The following PLA2G6 variants were observed in gnomAD, a reference collection of about 807,000 sequenced individuals.
PLA2G6 encodes the protein 85/88 kDa calcium-independent phospholipase A2.
A neutral mutation model predicts 83.8 loss-of-function variants in PLA2G6; 62 were observed. The observed-to-expected ratio is 0.74, with a 90% confidence interval of 0.60 to 0.91. The LOEUF is 0.91. PLA2G6 is among the 40% of genes least tolerant of loss of function. The pLI, the probability that PLA2G6 is intolerant of heterozygous loss-of-function variation, is 0.00. For synonymous variants in PLA2G6, 417 were observed against 449.8 expected (o/e 0.93, Z 0.92); for missense variants, 944 against 1,102.0 (o/e 0.86, Z 2.03).
intron 4 of PLA2G6, 172 bp downstream of exon 4, chr22:38,142,933 G>C (rs909312399): frequency 1.3e-6 from 1 of 746,110 alleles, no homozygotes; most frequent in African/African-American, 1.7e-5. Context: ...GAAAAGGGCT[G>C]GGAGGGAAGA....
At position 38,117,118 on chromosome 22, in the gene PLA2G6, C is replaced by T. The variant is rs150146549; in HGVS notation, c.1743-907G>A. Among the ~76,000 whole-genome samples, 482 of 139,210 alleles carry T rather than the reference C, an allele frequency of 3.5e-3. 2 individuals carry two copies. Among genetic ancestry groups the T allele is most frequent in the African/African-American group, 0.012 (461 of 39,526 alleles). 91.3% of individuals were successfully genotyped at this position (139,210 alleles called of 152,430 possible). A position where few individuals can be genotyped will look rare whatever the true frequency, so the allele number is the denominator to read the frequency against. ...CATAAATTCAAAATAAACTATTATA[C>T]TAACTCTTCCAAGAAAAATAAAAAG... On this transcript the variant is annotated intron_variant, in intron 12 of 16. Coordinates refer to ENST00000332509, the MANE Select transcript of PLA2G6 (RefSeq NM_003560.4).
chr22:38,126,057 G>A (rs990189856), intron 10 of PLA2G6: 2 of 416,020 alleles, frequency 4.8e-6, no homozygotes, highest in African/African-American at 2.1e-5. Flanking sequence ...CCCCAGGGGG[G>A]ACCCAGGCAT....
intron 5 of PLA2G6, 156 bp from the exon 6 acceptor site, chr22:38,135,240 G>A (rs1297717460): frequency 3.1e-6 from 2 of 648,218 alleles, no homozygotes; most frequent in Non-Finnish European, 5.6e-6. Context: ...GGTTAAGGCT[G>A]TACTGAGCCC....
chr22:38,166,194 C>A (rs997142936), intron 2 of PLA2G6, among the ~76,000 whole-genome samples: 6 of 152,148 alleles, frequency 3.9e-5, no homozygotes, highest in Admixed American at 3.9e-4. Context: ...CGGGTTCTGG[C>A]CAATGCGTGC....
Position 38,132,889 on chromosome 22 carries a change from C to T in PLA2G6, c.1019G>A (p.Gly340Glu). ...FDCAIVLLTH[G>E]ANADARGEHG... ...CTCTCCGCGGGCATCCGCGTTGGCCCCGTGGGTCAGCAGCACTATGGCACA... is the reference window on the plus strand; with the variant it reads ...CTCTCCGCGGGCATCCGCGTTGGCCTCGTGGGTCAGCAGCACTATGGCACA... Residue 340 changes from glycine (G) to glutamate (E), a missense_variant, in exon 7 of 17, where the codon GGG (glycine) becomes GAG (glutamate). By Grantham distance (98) the Gly-to-Glu change is moderately conservative. Transcript: ENST00000332509. The surrounding 1 kb of genome is among the most constrained non-coding windows in gnomAD (Gnocchi z 5.0). 6.4e-7 allele frequency: 1 copy of T among 1,554,894 alleles called. No homozygotes were observed. Among genetic ancestry groups the T allele is most frequent in the Non-Finnish European group, 8.7e-7 (1 of 1,149,924 alleles).
At position 38,111,886 on chromosome 22, in the gene PLA2G6, G is replaced by C; in HGVS notation, c.*275C>G. The C allele has an allele frequency of 1.9e-6, 1 of 518,678 alleles. No homozygotes were observed. The highest frequency in any genetic ancestry group is 2.0e-5 in the South Asian group (1 of 49,626). 32.1% of individuals were successfully genotyped at this position (518,678 alleles called of 1,614,324 possible). A position where few individuals can be genotyped will look rare whatever the true frequency, so the allele number is the denominator to read the frequency against. On this transcript the variant is annotated 3_prime_UTR_variant, in exon 17 of 17. Transcript: ENST00000332509. ...GGGTACCCTTAATGTTTGAGCTGAT[G>C]GGGGAGTCAGTTGTCCTTGACAGTC...
At position 38,128,635 on chromosome 22, in the gene PLA2G6, G is replaced by T. The variant is rs2088017514; in HGVS notation, c.1187-205C>A. Among the ~76,000 whole-genome samples, 1 of 152,192 alleles carries T rather than the reference G, an allele frequency of 6.6e-6. No homozygotes were observed. Among genetic ancestry groups the T allele is most frequent in the Admixed American group, 6.5e-5 (1 of 15,280 alleles). ...TCCCAAGCAGCTTCCTAAGGCCAGGGAAGGAGGATATGGGAGGAGGAGGTC... is the reference window on the plus strand; with the variant it reads ...TCCCAAGCAGCTTCCTAAGGCCAGGTAAGGAGGATATGGGAGGAGGAGGTC... On this transcript the variant is annotated intron_variant, in intron 8 of 16. Coordinates refer to ENST00000332509, the MANE Select transcript of PLA2G6 (RefSeq NM_003560.4). This position sits in a 1 kb window ranked among gnomAD's most constrained non-coding sequence, Gnocchi z 4.4.
intron 2 of PLA2G6, chr22:38,148,859 CTTTTTT>C (rs200966258): frequency 1.7e-4 from 26 of 152,476 alleles, no homozygotes; most frequent in South Asian, 3.6e-4. Context: ...TAGATTATTT[CTTTTTT>C]TTTTTTTTTT....
In PLA2G6 at chr22:38,112,489, C is replaced by T. The variant is rs368835758; in HGVS notation, c.2276+15G>A. ...CAGGGCACGGGGCCAAGGGCTGGGG[C>T]GGCTGAGCCCTCACCTGAAGTACTG... On this transcript the variant is annotated intron_variant, in intron 16 of 16. Coordinates refer to ENST00000332509, the MANE Select transcript of PLA2G6 (RefSeq NM_003560.4). 130 of 1,548,856 alleles carry T rather than the reference C, an allele frequency of 8.4e-5. No individual in the cohort carries two copies. The highest frequency in any genetic ancestry group is 1.4e-4 in the Admixed American group (7 of 51,436).
intron 10 of PLA2G6, among the ~76,000 whole-genome samples, chr22:38,124,917 C>T (rs1217056075): frequency 1.3e-5 from 2 of 152,208 alleles, no homozygotes; most frequent in African/African-American, 4.8e-5. Context: ...GAGATCAACC[C>T]AGAGGGCGCA....
intron 3 of PLA2G6, chr22:38,143,749 T>A (rs987997509): frequency 4.0e-5 from 12 of 298,216 alleles, no homozygotes; most frequent in African/African-American, 2.4e-4. Context: ...TTTTGTTTTG[T>A]TTTGTTTTTT....
chr22:38,145,190 T>C (rs1048635679), intron 3 of PLA2G6: 2 of 527,166 alleles, frequency 3.8e-6, no homozygotes, highest in African/African-American at 1.9e-5. Context: ...TATAGACACA[T>C]GCTAATTTTT....
At chr22:38,125,925 C>T (rs939296617) in intron 10 of PLA2G6, among the ~76,000 whole-genome samples, 3 of 152,188 alleles carry the variant, frequency 2.0e-5, no homozygotes, top group East Asian at 3.9e-4. Context: ...CACCCAGGCC[C>T]GCCTCTTACA....
chr22:38,154,614 C>T (rs2089704087), intron 2 of PLA2G6, among the ~76,000 whole-genome samples: 1 of 152,210 alleles, frequency 6.6e-6, no homozygotes, highest in South Asian at 2.1e-4. Context: ...ACCCAAGTCC[C>T]TTTTATTACC....
At chr22:38,116,718 G>A (rs2087217026) in intron 12 of PLA2G6, among the ~76,000 whole-genome samples, 1 of 151,916 alleles carries the variant, frequency 6.6e-6, no homozygotes, top group Non-Finnish European at 1.5e-5. Context: ...AGGTGTGGTT[G>A]CGCATGCCTG....
rs755845373 is a variant in PLA2G6 at position 38,126,375 on chromosome 22, G to A, written c.1423C>T (p.Arg475Trp). ...FILGSMRDEK[R>W]THDHLLCLDG... ...CCCCGATCTCGATCCACTTACGTCC[G>A]CTTCTCGTCCCTCATGGAGCCCAGG... The change falls in exon 10 of 17, where the codon CGG becomes TGG. Residue 475 changes from arginine to tryptophan, a missense_variant. By Grantham distance (101) the Arg-to-Trp change is moderately radical. Coordinates refer to ENST00000332509, the MANE Select transcript of PLA2G6 (RefSeq NM_003560.4). The A allele has an allele frequency of 1.5e-5, 24 of 1,611,928 alleles. No individual in the cohort carries two copies. The highest frequency in any genetic ancestry group is 1.7e-5 in the Non-Finnish European group (20 of 1,178,430).
In PLA2G6 at chr22:38,120,827, C is replaced by A. The variant is rs776015045; in HGVS notation, c.1674G>T (p.Gly558=). 1 of 1,613,858 alleles carries A rather than the reference C, an allele frequency of 6.2e-7. No homozygotes were observed. The highest frequency in any genetic ancestry group is 1.7e-5 in the Admixed American group (1 of 60,030). ...CCCGCTTCAGGAACTCCTCCAGGGG[C>A]CCCGACTCGTAGGGCCTGGAGCCCC... is the stretch of plus-strand genomic sequence containing the variant. ...VFRGSRPYES[G]PLEEFLKREF... The change falls in exon 12 of 17, where the codon GGG becomes GGT. Residue 558 remains glycine (G), a synonymous_variant. Coordinates refer to ENST00000332509, the MANE Select transcript of PLA2G6 (RefSeq NM_003560.4).
rs1602050066 is a variant in PLA2G6 at position 38,111,981 on chromosome 22, T to G, written c.*180A>C. 1 of 670,036 alleles carries G rather than the reference T, an allele frequency of 1.5e-6. No homozygotes were observed. Among genetic ancestry groups the G allele is most frequent in the Non-Finnish European group, 2.6e-6 (1 of 382,356 alleles). The allele number at this position is 670,036 out of a possible 1,614,324, so 41.5% of individuals were successfully genotyped here. On this transcript the variant is annotated 3_prime_UTR_variant, in exon 17 of 17. Coordinates refer to ENST00000332509, the MANE Select transcript of PLA2G6 (RefSeq NM_003560.4). ...TGACAGAAAGTGCTGGAAGGCGGGGTTAGTGGGAGACAGGCCTTCAGGACC... is the reference window on the plus strand; with the variant it reads ...TGACAGAAAGTGCTGGAAGGCGGGGGTAGTGGGAGACAGGCCTTCAGGACC...
At chr22:38,174,768 C>G (rs28565947) in intron 1 of PLA2G6, among the ~76,000 whole-genome samples, 47,614 of 151,938 alleles carry the variant, frequency 0.31, 8,140 homozygotes, top group South Asian at 0.43. Flanking sequence ...CTGGACGGCT[C>G]GAGAGGGGAA....
Sources: allele counts gnomAD v4.1 joint callset (sites outside exome capture counted in the v4.1 genomes callset), GRCh38; gene constraint gnomAD v4.1.1; non-coding constraint Gnocchi (gnomAD v3.1); transcripts MANE v1.5; gene names NCBI Gene and HGNC (gene_info 2026-07-23, HGNC 2026-07-21).